VRK2: variants seen among roughly 807,000 people sequenced by gnomAD.
VRK2 encodes the protein serine/threonine-protein kinase VRK2.
VRK2 carries 60 observed loss-of-function variants against 57.6 expected under a neutral mutation model. That is an observed-to-expected ratio of 1.04 (90% CI 0.85 to 1.29). The LOEUF is 1.29. Among genes scored for constraint, VRK2 ranks in the 50% most tolerant of loss-of-function variants. The pLI is 0.00. For missense variants in VRK2, 705 were observed against 588.1 expected, an observed-to-expected ratio of 1.20 and a Z score of -2.06; for synonymous variants, 231 against 199.2, an observed-to-expected ratio of 1.16 and a Z score of -1.35.
chr2:57,968,806 T>C (rs769917725), intron 1 of VRK2, among the ~76,000 whole-genome samples: 14 of 152,082 alleles, frequency 9.2e-5, no homozygotes, highest in Admixed American at 3.3e-4. Context: ...TGTTGTTCTG[T>C]TACGAAAACA....
At chr2:57,999,029 A>C (rs1470439455) in intron 1 of VRK2, among the ~76,000 whole-genome samples, 1 of 152,094 alleles carries the variant, frequency 6.6e-6, no homozygotes, top group Non-Finnish European at 1.5e-5. Flanking sequence ...GAAAAAATTT[A>C]TATCTACTGG....
chr2:57,955,287 A>G (rs1348947957), intron 1 of VRK2, among the ~76,000 whole-genome samples: 2 of 152,122 alleles, frequency 1.3e-5, no homozygotes, highest in Admixed American at 1.3e-4. Flanking sequence ...TGTATATCCA[A>G]ATAATTTCAG....
At chr2:58,157,889 T>A (rs1453999386) in intron 12 of VRK2, among the ~76,000 whole-genome samples, 1 of 152,168 alleles carries the variant, frequency 6.6e-6, no homozygotes, top group Non-Finnish European at 1.5e-5. Flanking sequence ...TCTGTTCCAA[T>A]AAAACTTTAT....
chr2:57,947,576 A>G (rs1671300312), intron 1 of VRK2, among the ~76,000 whole-genome samples: 1 of 152,194 alleles, frequency 6.6e-6, no homozygotes. Flanking sequence ...AGCCACCCAG[A>G]GGGTACTGTA....
At chr2:57,968,414 A>G (rs965720887) in intron 1 of VRK2, among the ~76,000 whole-genome samples, 1 of 152,118 alleles carries the variant, frequency 6.6e-6, no homozygotes, top group South Asian at 2.1e-4. Context: ...AAAAAAATAG[A>G]TACTTATCAA....
intron 7 of VRK2, among the ~76,000 whole-genome samples, chr2:58,110,458 A>G (rs1430682525): frequency 6.6e-6 from 1 of 152,240 alleles, no homozygotes; most frequent in Non-Finnish European, 1.5e-5. Flanking sequence ...CAGCATGTTT[A>G]TGTTCACAAG....
chr2:58,111,897 T>C (rs1040458885), intron 7 of VRK2, among the ~76,000 whole-genome samples: 4 of 152,328 alleles, frequency 2.6e-5, no homozygotes, highest in African/African-American at 9.6e-5. Context: ...ATTTTAGGCT[T>C]TTATGAGCTC....
At chr2:58,125,305 C>G (rs1390059030) in intron 8 of VRK2, among the ~76,000 whole-genome samples, 1 of 152,000 alleles carries the variant, frequency 6.6e-6, no homozygotes, top group Non-Finnish European at 1.5e-5. Context: ...AAGACCTATT[C>G]AATTAATTTC....
At chr2:58,136,768 T>C (rs1034764244) in intron 10 of VRK2, among the ~76,000 whole-genome samples, 1 of 145,764 alleles carries the variant, frequency 6.9e-6, no homozygotes, top group Admixed American at 7.0e-5. Flanking sequence ...AACATATATA[T>C]ATATCATATA....
chr2:57,947,121 G>A (rs73942250), intron 1 of VRK2, among the ~76,000 whole-genome samples: 370 of 152,102 alleles, frequency 2.4e-3, no homozygotes, highest in African/African-American at 8.7e-3. Flanking sequence ...TCCAAAACTC[G>A]TTACTTCATC....
chr2:58,082,165 A>G (rs979776686), intron 2 of VRK2, among the ~76,000 whole-genome samples: 3 of 151,896 alleles, frequency 2.0e-5, no homozygotes, highest in Admixed American at 6.6e-5. Flanking sequence ...GTATGTGTCA[A>G]CACATGATTA....
At chr2:58,089,092 A>G in intron 6 of VRK2, among the ~76,000 whole-genome samples, 1 of 152,210 alleles carries the variant, frequency 6.6e-6, no homozygotes, top group East Asian at 1.9e-4. Flanking sequence ...GAAGCCAGCA[A>G]ATGTTTATTG....
chr2:57,927,725 G>T (rs1670586206), intron 1 of VRK2, among the ~76,000 whole-genome samples: 1 of 152,092 alleles, frequency 6.6e-6, no homozygotes, highest in South Asian at 2.1e-4. Context: ...GGACAGGTCT[G>T]GTGTTGATGA....
chr2:58,068,954 A>G (rs929617879), intron 2 of VRK2, among the ~76,000 whole-genome samples: 5 of 152,070 alleles, frequency 3.3e-5, no homozygotes, highest in African/African-American at 1.2e-4. Flanking sequence ...TATTTATTGA[A>G]ACATTTTTAT....
chr2:58,074,395 T>C (rs1216883599), intron 2 of VRK2, among the ~76,000 whole-genome samples: 1 of 152,128 alleles, frequency 6.6e-6, no homozygotes, highest in African/African-American at 2.4e-5. Flanking sequence ...GCCTTCTCTG[T>C]TTTTAATTGA....
intron 1 of VRK2, among the ~76,000 whole-genome samples, chr2:57,914,178 CT>C (rs1370683736): frequency 6.0e-5 from 9 of 151,238 alleles, no homozygotes; most frequent in Admixed American, 5.9e-4. Flanking sequence ...GTATTAATTT[CT>C]AATAAACATG....
At chr2:58,110,382 A>G (rs533779716) in intron 7 of VRK2, among the ~76,000 whole-genome samples, 2 of 152,212 alleles carry the variant, frequency 1.3e-5, no homozygotes, top group South Asian at 2.1e-4. Flanking sequence ...TCTTAACAAT[A>G]AATCAAATGC....
At chr2:58,115,671 T>C (rs576606616) in intron 7 of VRK2, among the ~76,000 whole-genome samples, 2 of 152,298 alleles carry the variant, frequency 1.3e-5, no homozygotes, top group South Asian at 4.1e-4. Context: ...TGGAGATTAA[T>C]TGGACATGAT....
chr2:58,047,634 G>T (rs192982595), intron 1 of VRK2, among the ~76,000 whole-genome samples: 13 of 152,282 alleles, frequency 8.5e-5, no homozygotes, highest in Admixed American at 6.5e-4. Context: ...ATAGGCACCA[G>T]CCTATATAAT....
Sources: gnomAD v4.1 joint callset for allele counts (sites outside exome capture counted in the v4.1 genomes callset) on GRCh38, gnomAD v4.1.1 for gene constraint, MANE v1.5 for transcripts, NCBI Gene and HGNC (gene_info 2026-07-23, HGNC 2026-07-21) for gene names.